The following TSPAN2 variants were observed in gnomAD, a reference collection of about 807,000 sequenced individuals.
The protein encoded by TSPAN2 is tetraspanin 2.
In TSPAN2, 24 loss-of-function variants were observed where a neutral mutation model predicts 33.3. That is an observed-to-expected ratio of 0.72 (90% CI 0.52 to 1.01). The LOEUF (loss-of-function observed/expected upper bound fraction) is 1.01. Among genes scored for constraint, TSPAN2 ranks in the 50% least tolerant of loss-of-function variants. The pLI is 0.00. For synonymous variants in TSPAN2, 114 were observed against 104.5 expected (o/e 1.09, Z -0.56); for missense variants, 278 against 281.3 (o/e 0.99, Z 0.08).
Position 115,053,045 on chromosome 1 carries a change from A to G in TSPAN2, c.600+334T>C, listed in dbSNP as rs746429358. ...ATCGTAGGTGAGAGAGATTAACCTG[A>G]TATGTTGCATTGAATTTGTAACAGT... On this transcript the variant is annotated intron_variant, in intron 7 of 7. Transcript: ENST00000369516. Among the ~76,000 whole-genome samples, 4 of 152,266 alleles carry G rather than the reference A, an allele frequency of 2.6e-5. No homozygotes were observed. The South Asian group carries it at 8.3e-4, about 32-fold the overall frequency.
chr1:115,087,595 T>A, intron 1 of TSPAN2, among the ~76,000 whole-genome samples: 1 of 121,538 alleles, frequency 8.2e-6, no homozygotes, highest in East Asian at 2.5e-4. Context: ...CAGCCTGGGC[T>A]ACAGAGTGAG....
At chr1:115,066,135 A>C (rs998564421) in intron 2 of TSPAN2, among the ~76,000 whole-genome samples, 1 of 152,100 alleles carries the variant, frequency 6.6e-6, no homozygotes, top group African/African-American at 2.4e-5. Context: ...CATTTTCTTC[A>C]TCCATCCATC....
At chr1:115,078,004 CATT>C (rs1648484480) in intron 1 of TSPAN2, among the ~76,000 whole-genome samples, 1 of 152,232 alleles carries the variant, frequency 6.6e-6, no homozygotes, top group South Asian at 2.1e-4. Flanking sequence ...TAAAAAGCAT[CATT>C]TAGGGAAGTT....
intron 1 of TSPAN2, among the ~76,000 whole-genome samples, chr1:115,079,508 AG>A (rs773288820): frequency 2.0e-5 from 3 of 152,236 alleles, no homozygotes; most frequent in Middle Eastern, 3.2e-3. Flanking sequence ...TTTCTCAAAG[AG>A]GAAAACCAGC....
chr1:115,085,540 C>T (rs369517574), intron 1 of TSPAN2, among the ~76,000 whole-genome samples: 30 of 152,256 alleles, frequency 2.0e-4, no homozygotes, highest in Admixed American at 1.2e-3. Context: ...CCCGTAACTC[C>T]GAGGGGCAGG....
At chr1:115,085,131 AG>A (rs1300006473) in intron 1 of TSPAN2, among the ~76,000 whole-genome samples, 1 of 152,176 alleles carries the variant, frequency 6.6e-6, no homozygotes, top group Non-Finnish European at 1.5e-5. Context: ...GGAAAAAAAA[AG>A]GTGATTTCAA....
At chr1:115,062,348 A>G (rs1647767993) in intron 2 of TSPAN2, 116 bp from the exon 3 acceptor site, 1 of 733,522 alleles carries the variant, frequency 1.4e-6, no homozygotes, top group African/African-American at 1.8e-5. Context: ...AGGAGGTGCT[A>G]TTCTTACTGC....
intron 1 of TSPAN2, among the ~76,000 whole-genome samples, chr1:115,079,670 G>A (rs1648552307): frequency 1.3e-5 from 2 of 152,148 alleles, no homozygotes; most frequent in African/African-American, 4.8e-5. Context: ...TCACTACCTT[G>A]GCCTTCATCA....
intron 1 of TSPAN2, 48 bp downstream of exon 1, chr1:115,089,316 G>A (rs1327439704): frequency 2.0e-6 from 2 of 1,012,838 alleles, no homozygotes; most frequent in East Asian, 3.2e-5. Flanking sequence ...CCCCGCGCCC[G>A]CCACCCGGCC....
chr1:115,062,778 G>A (rs1168015387), intron 2 of TSPAN2, among the ~76,000 whole-genome samples: 1 of 152,224 alleles, frequency 6.6e-6, no homozygotes, highest in East Asian at 1.9e-4. Context: ...TTAATAGGGA[G>A]GGTGGGGGCT....
intron 1 of TSPAN2, among the ~76,000 whole-genome samples, chr1:115,088,664 T>C (rs1648932800): frequency 6.6e-6 from 1 of 152,066 alleles, no homozygotes; most frequent in South Asian, 2.1e-4. Flanking sequence ...CTGGGAGAAT[T>C]AGTATTTAGC....
At position 115,053,358 on chromosome 1, in the gene TSPAN2, TAAGTTCTAG is replaced by T. The variant is rs1481927056; in HGVS notation, c.600+12_600+20del. The T allele has an allele frequency of 6.2e-7, 1 of 1,610,760 alleles. No individual in the cohort carries two copies. Among genetic ancestry groups the T allele is most frequent in the Non-Finnish European group, 8.5e-7 (1 of 1,177,132 alleles). On this transcript the variant is annotated intron_variant, in intron 7 of 7. Coordinates refer to ENST00000369516, the MANE Select transcript of TSPAN2 (RefSeq NM_005725.6). ...AAGGCTTTTTAGAGGGCAAAAAGGG[TAAGTTCTAG>T]AACTTTCTCACCGTCAGACCTGCAA...
chr1:115,054,247 T>C (rs1165140529), intron 6 of TSPAN2, among the ~76,000 whole-genome samples: 2 of 152,234 alleles, frequency 1.3e-5, no homozygotes. Flanking sequence ...TGTTCACTTG[T>C]CACTGGTTGG....
In TSPAN2 at chr1:115,048,784, T is replaced by G. The variant is rs2101016785; in HGVS notation, c.*1706A>C. On this transcript the variant is annotated 3_prime_UTR_variant, in exon 8 of 8. Coordinates refer to ENST00000369516, the MANE Select transcript of TSPAN2 (RefSeq NM_005725.6). ...GTAATTTTTGTAAAATAATTTTTCTTTAGCTACAGACACAGTAAAGTAGCC... is the reference window on the plus strand; with the variant it reads ...GTAATTTTTGTAAAATAATTTTTCTGTAGCTACAGACACAGTAAAGTAGCC... The G allele has an allele frequency of 6.6e-6, 1 of 152,274 alleles. No individual in the cohort carries two copies. The highest frequency in any genetic ancestry group is 2.4e-5 in the African/African-American group (1 of 41,566). The allele number at this position is 152,274 out of a possible 1,614,324, so 9.4% of individuals were successfully genotyped here.
chr1:115,058,900 T>C lies in TSPAN2; in HGVS notation c.427A>G (p.Ile143Val), dbSNP rs779947188. ...KDRGKGNGTL[I>V]TFHSTFQCCG... ...TTACTCACTGTTGAGTGGAAGGTGA[T>C]GAGTGTCCCATTGCCTTTTCCCCTG... is the stretch of plus-strand genomic sequence containing the variant. Residue 143 changes from isoleucine to valine, a missense_variant, in exon 5 of 8, where the codon ATC becomes GTC. Transcript: ENST00000369516. The C allele has an allele frequency of 1.5e-5, 24 of 1,613,308 alleles. No homozygotes were observed. The highest frequency in any genetic ancestry group is 4.0e-5 in the African/African-American group (3 of 74,894).
intron 3 of TSPAN2, among the ~76,000 whole-genome samples, 186 bp downstream of exon 3, chr1:115,061,949 C>T (rs572263857): frequency 6.6e-5 from 10 of 152,270 alleles, no homozygotes; most frequent in South Asian, 4.2e-4. Context: ...TCATGGCACC[C>T]GGCCCTAGTT....
chr1:115,071,542 C>G (rs977534985), intron 2 of TSPAN2, among the ~76,000 whole-genome samples: 5 of 152,196 alleles, frequency 3.3e-5, no homozygotes, highest in African/African-American at 1.2e-4. Flanking sequence ...TATTTCATCA[C>G]TGTTGAGATG....
chr1:115,049,047 TG>T lies in TSPAN2; in HGVS notation c.*1442del. Reference sequence around the variant, plus strand: ...GTTTTCACATGTATAGAAGTTCATCTGGGGGTTTCCAAAGCCTTCCGTATTT... The same window carrying T: ...GTTTTCACATGTATAGAAGTTCATCTGGGGTTTCCAAAGCCTTCCGTATTT... On this transcript the variant is annotated 3_prime_UTR_variant, in exon 8 of 8. Coordinates refer to ENST00000369516, the MANE Select transcript of TSPAN2 (RefSeq NM_005725.6). The T allele has an allele frequency of 6.6e-6, 1 of 152,282 alleles. No homozygotes were observed. Among genetic ancestry groups the T allele is most frequent in the Middle Eastern group, 3.4e-3 (1 of 294 alleles). The allele number at this position is 152,282 out of a possible 1,614,324, so 9.4% of individuals were successfully genotyped here.
intron 6 of TSPAN2, among the ~76,000 whole-genome samples, chr1:115,054,766 C>T (rs1647330013): frequency 6.6e-6 from 1 of 152,140 alleles, no homozygotes; most frequent in South Asian, 2.1e-4. Context: ...ATGCGTGGAT[C>T]ACCTAAGGTC....
Sources: gnomAD v4.1 joint callset for allele counts (sites outside exome capture counted in the v4.1 genomes callset) on GRCh38, gnomAD v4.1.1 for gene constraint, MANE v1.5 for transcripts, NCBI Gene and HGNC (gene_info 2026-07-23, HGNC 2026-07-21) for gene names.